The following MLIP variants were observed in gnomAD, a reference collection of about 807,000 sequenced individuals.
The protein encoded by MLIP is muscular LMNA interacting protein.
Under a neutral mutation model 84.8 loss-of-function variants are expected in MLIP, and 79 were observed. The observed-to-expected ratio is 0.93, with a 90% CI of 0.78 to 1.12. The LOEUF (loss-of-function observed/expected upper bound fraction) is 1.12, where lower values mean the gene tolerates loss of function less well. MLIP is among the 50% of genes most tolerant of loss of function. The pLI is 0.00. For missense variants in MLIP, 1,257 were observed against 1,160.6 expected (o/e 1.08, Z -1.21); for synonymous variants, 504 against 463.0 (o/e 1.09, Z -1.14).
rs375594229 is a variant in MLIP at position 54,239,166 on chromosome 6, C to A, written c.2922+8249C>A. 2.1e-4 allele frequency among the ~76,000 whole-genome samples: 32 copies of A among 152,002 alleles called. No individual in the cohort carries two copies. The East Asian group carries it at 5.8e-3, about 28-fold the overall frequency. On this transcript the variant is annotated intron_variant, in intron 12 of 13. Transcript: ENST00000502396. ...GCTTTCACTTCATAGCCAGAGCAGACTATTCATCTCCTACCTCTCCATTCG... is the reference window on the plus strand; with the variant it reads ...GCTTTCACTTCATAGCCAGAGCAGAATATTCATCTCCTACCTCTCCATTCG...
intron 4 of MLIP, among the ~76,000 whole-genome samples, chr6:54,139,011 T>C (rs1772067080): frequency 6.6e-6 from 1 of 152,222 alleles, no homozygotes; most frequent in African/African-American, 2.4e-5. Flanking sequence ...AGATGATGAA[T>C]GTCACGTTGA....
chr6:54,125,200 G>A (rs1450289866), intron 3 of MLIP, among the ~76,000 whole-genome samples: 2 of 152,212 alleles, frequency 1.3e-5, no homozygotes, highest in Non-Finnish European at 2.9e-5. Flanking sequence ...CAAGAAGAGT[G>A]TGCTTGGTGA....
At chr6:54,258,230 A>G (rs899274885) in intron 13 of MLIP, among the ~76,000 whole-genome samples, 4 of 152,140 alleles carry the variant, frequency 2.6e-5, no homozygotes, top group Non-Finnish European at 5.9e-5. Context: ...AGCATAATAT[A>G]AAAGAGAAGT....
intron 1 of MLIP, chr6:54,046,682 A>G (rs1435882899): frequency 6.6e-6 from 1 of 152,194 alleles, no homozygotes; most frequent in Admixed American, 6.5e-5. Context: ...TTCTTCAAAT[A>G]CTATCATGAT....
At chr6:54,220,478 G>A (rs1562073624) in intron 11 of MLIP, among the ~76,000 whole-genome samples, 1 of 152,088 alleles carries the variant, frequency 6.6e-6, no homozygotes, top group Non-Finnish European at 1.5e-5. Flanking sequence ...AGTATTTATT[G>A]CAGAATAATA....
intron 9 of MLIP, among the ~76,000 whole-genome samples, chr6:54,184,853 T>C (rs1342970653): frequency 1.3e-5 from 2 of 152,212 alleles, no homozygotes; most frequent in African/African-American, 4.8e-5. Flanking sequence ...CTGTAGAATA[T>C]GGATTACGAA....
At chr6:54,259,402 T>C (rs1783235793) in intron 13 of MLIP, among the ~76,000 whole-genome samples, 1 of 151,642 alleles carries the variant, frequency 6.6e-6, no homozygotes, top group South Asian at 2.1e-4. Flanking sequence ...CAAGTTCACA[T>C]TGACTATATC....
intron 9 of MLIP, among the ~76,000 whole-genome samples, chr6:54,171,209 T>C (rs1244566514): frequency 2.0e-5 from 3 of 151,630 alleles, no homozygotes; most frequent in Non-Finnish European, 4.4e-5. Flanking sequence ...TTCAATCAAC[T>C]ATCAGATTTA....
At chr6:54,248,181 G>T (rs1782219161) in intron 12 of MLIP, among the ~76,000 whole-genome samples, 1 of 152,088 alleles carries the variant, frequency 6.6e-6, no homozygotes, top group African/African-American at 2.4e-5. Flanking sequence ...AAAACAGAGA[G>T]AGAAAAATAT....
At chr6:54,090,659 G>A (rs200751200) in intron 1 of MLIP, among the ~76,000 whole-genome samples, 18 of 91,924 alleles carry the variant, frequency 2.0e-4, no homozygotes, top group Middle Eastern at 6.3e-3. Flanking sequence ...GTGTGTGTGT[G>A]TATGTGTGTG....
intron 9 of MLIP, among the ~76,000 whole-genome samples, chr6:54,188,778 C>CA (rs1309143041): frequency 6.6e-6 from 1 of 151,870 alleles, no homozygotes; most frequent in Non-Finnish European, 1.5e-5. Context: ...AAGAACATAC[C>CA]AAGACCCCCA....
chr6:54,061,119 C>A (rs1329509827), intron 1 of MLIP, among the ~76,000 whole-genome samples: 2 of 151,938 alleles, frequency 1.3e-5, no homozygotes, highest in African/African-American at 4.8e-5. Context: ...GTGTCTGGAA[C>A]TCTAGAAACA....
chr6:54,190,060 A>G (rs1342514411), intron 10 of MLIP, 146 bp downstream of exon 10: 1 of 617,538 alleles, frequency 1.6e-6, no homozygotes. Context: ...ATATTTTCCA[A>G]AAGCTCCATG....
At chr6:54,089,311 C>T (rs1385529105) in intron 1 of MLIP, among the ~76,000 whole-genome samples, 1 of 151,978 alleles carries the variant, frequency 6.6e-6, no homozygotes, top group African/African-American at 2.4e-5. Context: ...ATATAAATTC[C>T]ACCGGGAATT....
At chr6:54,216,375 A>G in intron 11 of MLIP, 2 of 985,346 alleles carry the variant, frequency 2.0e-6, no homozygotes, top group Non-Finnish European at 2.4e-6. Context: ...AAAGACCAGA[A>G]TCCAACTATA....
chr6:54,057,415 A>G (rs1765724346), intron 1 of MLIP, among the ~76,000 whole-genome samples: 1 of 152,228 alleles, frequency 6.6e-6, no homozygotes, highest in Non-Finnish European at 1.5e-5. Context: ...AATTCACAAC[A>G]AACTATCTTG....
At chr6:54,107,212 T>C (rs1298668314), upstream of MLIP, among the ~76,000 whole-genome samples, 1 of 152,218 alleles carries the variant, frequency 6.6e-6, no homozygotes, top group Non-Finnish European at 1.5e-5. Context: ...TACTGATATC[T>C]TTTTAAACTA....
intron 1 of MLIP, chr6:54,045,898 T>C (rs1044792528): frequency 2.0e-5 from 3 of 152,230 alleles, no homozygotes; most frequent in Admixed American, 2.0e-4. Flanking sequence ...TTTATAGCAG[T>C]GCAAGAACGA....
chr6:54,228,213 A>AG (rs1554188685), intron 11 of MLIP, among the ~76,000 whole-genome samples: 36 of 116,626 alleles, frequency 3.1e-4, no homozygotes, highest in African/African-American at 1.1e-3. Context: ...AAAAAAAAAA[A>AG]AGAGAAAGAA....
Sources: allele counts gnomAD v4.1 joint callset (sites outside exome capture counted in the v4.1 genomes callset), GRCh38; gene constraint gnomAD v4.1.1; transcripts MANE v1.5; gene names NCBI Gene and HGNC (gene_info 2026-07-23, HGNC 2026-07-21).